The following POMP variants were observed in gnomAD, a reference collection of about 807,000 sequenced individuals.
The protein encoded by POMP is proteasome maturation protein.
Under a neutral mutation model 20.6 loss-of-function variants are expected in POMP, and 12 were observed. That is an observed-to-expected ratio of 0.58 (90% CI 0.37 to 0.94). The LOEUF (loss-of-function observed/expected upper bound fraction) is 0.94, where lower values mean the gene tolerates loss of function less well. Among genes scored for constraint, POMP ranks in the 40% least tolerant of loss-of-function variants. The pLI, the probability that POMP is intolerant of heterozygous loss-of-function variation, is 0.01. For missense variants in POMP, 136 were observed against 161.1 expected, an observed-to-expected ratio of 0.84 and a Z score of 0.84; for synonymous variants, 53 against 55.0, an observed-to-expected ratio of 0.96 and a Z score of 0.16.
chr13:28,659,131 G>A lies in POMP; in HGVS notation c.-54G>A, dbSNP rs1361901442. On this transcript the variant is annotated 5_prime_UTR_variant, in exon 1 of 6. Coordinates refer to ENST00000380842, the MANE Select transcript of POMP (RefSeq NM_015932.6). ...CAGCCCTCGGAAACGGAAGTGAGCG[G>A]CGGGGTCGACTGACGGTAACGGGGC... 6.4e-7 allele frequency: 1 copy of A among 1,570,638 alleles called. No individual in the cohort carries two copies. The highest frequency in any genetic ancestry group is 2.4e-5 in the East Asian group (1 of 41,810).
chr13:28,677,675 AAACTT>A (rs1342423014), intron 5 of POMP, among the ~76,000 whole-genome samples: 2 of 152,228 alleles, frequency 1.3e-5, no homozygotes, highest in Non-Finnish European at 2.9e-5. Context: ...AGCCACTAGA[AAACTT>A]AAGAACTTTG....
At chr13:28,663,122 C>T (rs191800112) in intron 2 of POMP, among the ~76,000 whole-genome samples, 29 of 152,058 alleles carry the variant, frequency 1.9e-4, no homozygotes, top group African/African-American at 6.0e-4. Context: ...CATGCAGTTA[C>T]GCCATGTTTT....
chr13:28,664,974 G>A (rs1235705552), intron 3 of POMP, among the ~76,000 whole-genome samples: 2 of 152,134 alleles, frequency 1.3e-5, no homozygotes, highest in South Asian at 2.1e-4. Context: ...TAGGTACTTC[G>A]ATGAATATGA....
intron 5 of POMP, among the ~76,000 whole-genome samples, chr13:28,672,973 T>C (rs17087035): frequency 0.025 from 3,857 of 152,216 alleles, 155 homozygotes; most frequent in African/African-American, 0.089. Flanking sequence ...GACTAGCATT[T>C]TAAACAACTG....
In POMP at chr13:28,668,587, A is replaced by G. The variant is rs2137795247; in HGVS notation, c.264+13A>G. ...GGCAGTGCAGCAGGTGAGTTGATGGATCTCTGTTGCATATGTGTCGATATC... is the reference window on the plus strand; with the variant it reads ...GGCAGTGCAGCAGGTGAGTTGATGGGTCTCTGTTGCATATGTGTCGATATC... On this transcript the variant is annotated intron_variant, in intron 4 of 5. Transcript: ENST00000380842. 6.5e-7 allele frequency: 1 copy of G among 1,549,324 alleles called. No homozygotes were observed. The highest frequency in any genetic ancestry group is 8.9e-7 in the Non-Finnish European group (1 of 1,121,098).
intron 1 of POMP, among the ~76,000 whole-genome samples, chr13:28,661,678 C>T (rs1479158073): frequency 6.6e-6 from 1 of 152,160 alleles, no homozygotes; most frequent in Non-Finnish European, 1.5e-5. Context: ...ACACCAATAC[C>T]AAATGCACTG....
At position 28,668,505 on chromosome 13, in the gene POMP, C is replaced by T. The variant is rs755462680; in HGVS notation, c.195C>T (p.Ser65=). 2 of 1,612,040 alleles carry T rather than the reference C, an allele frequency of 1.2e-6. No homozygotes were observed. Among genetic ancestry groups the T allele is most frequent in the African/African-American group, 1.3e-5 (1 of 74,956 alleles). Residue 65 remains serine, a synonymous_variant, in exon 4 of 6, where the codon TCC becomes TCT. Transcript: ENST00000380842. Reference sequence around the variant, plus strand: ...TCAACCAAGATAAAATGAATTTTTCCACACTGAGAAACATTCAGGGTCTAT... The same window carrying T: ...TCAACCAAGATAAAATGAATTTTTCTACACTGAGAAACATTCAGGGTCTAT... ...FQLNQDKMNF[S]TLRNIQGLFA...
chr13:28,674,765 G>A (rs187321665), intron 5 of POMP, among the ~76,000 whole-genome samples: 5 of 152,210 alleles, frequency 3.3e-5, no homozygotes, highest in African/African-American at 4.8e-5. Context: ...CTGGCTGGAT[G>A]TGGTGGCTCA....
At chr13:28,666,682 C>T (rs1025187800) in intron 3 of POMP, among the ~76,000 whole-genome samples, 5 of 152,142 alleles carry the variant, frequency 3.3e-5, no homozygotes, top group African/African-American at 9.7e-5. Flanking sequence ...TTCTTTAAGC[C>T]TTAGTCTTCT....
intron 2 of POMP, among the ~76,000 whole-genome samples, chr13:28,664,051 G>A (rs1593172135): frequency 6.6e-6 from 1 of 152,156 alleles, no homozygotes; most frequent in African/African-American, 2.4e-5. Context: ...TACATAGTAG[G>A]TGTTCAGTAA....
chr13:28,671,443 CTCTG>C (rs1415935966), intron 4 of POMP, among the ~76,000 whole-genome samples: 34 of 133,854 alleles, frequency 2.5e-4, no homozygotes, highest in African/African-American at 9.1e-4. Flanking sequence ...GCCCAGAATT[CTCTG>C]TCTTTTTTTT....
Position 28,673,087 on chromosome 13 carries a change from T to C in POMP, c.358+655T>C, listed in dbSNP as rs1024698039. On this transcript the variant is annotated intron_variant, in intron 5 of 5. Coordinates refer to ENST00000380842, the MANE Select transcript of POMP (RefSeq NM_015932.6). ...GAATCTGTCTTTTTTTTTTTTTTTTTCAAGATGGAGTCTTGTGCTGTTACC... is the reference window on the plus strand; with the variant it reads ...GAATCTGTCTTTTTTTTTTTTTTTTCCAAGATGGAGTCTTGTGCTGTTACC... Among the ~76,000 whole-genome samples, 52 of 148,968 alleles carry C rather than the reference T, an allele frequency of 3.5e-4. No individual in the cohort carries two copies. In the East Asian group the frequency reaches 4.8e-3, roughly 14 times the overall value.
At chr13:28,675,614 A>G (rs1272454563) in intron 5 of POMP, among the ~76,000 whole-genome samples, 1 of 152,168 alleles carries the variant, frequency 6.6e-6, no homozygotes, top group African/African-American at 2.4e-5. Context: ...CATTTTTCAG[A>G]TCCCAACCTA....
chr13:28,671,305 A>C (rs1884541452), intron 4 of POMP, among the ~76,000 whole-genome samples: 1 of 152,222 alleles, frequency 6.6e-6, no homozygotes, highest in Non-Finnish European at 1.5e-5. Flanking sequence ...TCTGAAGATT[A>C]AATGAAATCA....
intron 2 of POMP, among the ~76,000 whole-genome samples, chr13:28,662,827 C>T (rs895044260): frequency 3.3e-5 from 5 of 152,100 alleles, no homozygotes; most frequent in Non-Finnish European, 7.4e-5. Context: ...TAGGGTAATT[C>T]ACTTTTCTTT....
intron 5 of POMP, among the ~76,000 whole-genome samples, chr13:28,676,536 A>T (rs1358992045): frequency 6.6e-6 from 1 of 152,158 alleles, no homozygotes; most frequent in African/African-American, 2.4e-5. Flanking sequence ...AGGGGGCTTG[A>T]TCCATAGTTA....
rs754348397 is a variant in POMP, at chr13:28,668,486, A to G, written c.176A>G (p.Gln59Arg). ...TGTCTTTTGTAGTTCCAGCTCAACC[A>G]AGATAAAATGAATTTTTCCACACTG... ...ELSEKNFQLN[Q>R]DKMNFSTLRN... The change falls in exon 4 of 6, where the codon CAA becomes CGA. Residue 59 changes from glutamine (Q) to arginine (R), a missense_variant. Gln to Arg is a conservative substitution (Grantham distance 43, BLOSUM62 1). Coordinates refer to ENST00000380842, the MANE Select transcript of POMP (RefSeq NM_015932.6). The G allele has an allele frequency of 1.9e-6, 3 of 1,607,682 alleles. No individual in the cohort carries two copies. The highest frequency in any genetic ancestry group is 2.6e-6 in the Non-Finnish European group (3 of 1,174,262).
At chr13:28,672,542 T>G in intron 5 of POMP, 110 bp downstream of exon 5, 1 of 807,032 alleles carries the variant, frequency 1.2e-6, no homozygotes, top group Non-Finnish European at 2.2e-6. Flanking sequence ...GCTGATTGGG[T>G]TCACTTTATT....
chr13:28,663,374 G>A (rs796569712), intron 2 of POMP, among the ~76,000 whole-genome samples: 11 of 152,192 alleles, frequency 7.2e-5, no homozygotes, highest in African/African-American at 2.4e-4. Context: ...GCAATGGCGC[G>A]ATCTCCCCTC....
Sources: gnomAD v4.1 joint callset for allele counts (sites outside exome capture counted in the v4.1 genomes callset) on GRCh38, gnomAD v4.1.1 for gene constraint, MANE v1.5 for transcripts, NCBI Gene and HGNC (gene_info 2026-07-23, HGNC 2026-07-21) for gene names.